Variants in TTF2 observed in about 807,000 individuals in gnomAD.
The protein encoded by TTF2 is transcription termination factor 2.
TTF2 carries 108 observed loss-of-function variants against 142.4 expected under a neutral mutation model. The ratio of observed to expected loss-of-function variants is 0.76; its 90% CI spans 0.65 to 0.89. TTF2 has a LOEUF of 0.89. Among genes scored for constraint, TTF2 ranks in the 40% least tolerant of loss-of-function variants. The pLI is 0.00. For missense variants in TTF2, 1,327 were observed against 1,379.8 expected (o/e 0.96, Z 0.61); for synonymous variants, 483 against 506.2 (o/e 0.95, Z 0.61).
At chr1:117,064,357 G>T (rs900977691) in intron 3 of TTF2, among the ~76,000 whole-genome samples, 3 of 151,614 alleles carry the variant, frequency 2.0e-5, no homozygotes, top group Admixed American at 6.6e-5. Context: ...AAAATTAGCT[G>T]GGCCTGGTGG....
rs934083480 is a variant in TTF2, at chr1:117,099,748, A to G, written c.3344+841A>G. Reference sequence around the variant, plus strand: ...CCTGAAGAATTAGGAATCACTGCCTATCTTTACTTGATTACTTCCCATTCA... The same window carrying G: ...CCTGAAGAATTAGGAATCACTGCCTGTCTTTACTTGATTACTTCCCATTCA... On this transcript the variant is annotated intron_variant, in intron 22 of 22. Coordinates refer to ENST00000369466, the MANE Select transcript of TTF2 (RefSeq NM_003594.4). This position sits in a 1 kb window ranked among gnomAD's most constrained non-coding sequence, Gnocchi z 4.3. Among the ~76,000 whole-genome samples, 2 of 152,136 alleles carry G rather than the reference A, an allele frequency of 1.3e-5. No individual in the cohort carries two copies. The highest frequency in any genetic ancestry group is 4.8e-5 in the African/African-American group (2 of 41,424).
In TTF2 at chr1:117,075,749, C is replaced by T. The variant is rs747413282; in HGVS notation, c.1165C>T (p.Arg389Ter). The change falls in exon 5 of 23, where the codon CGA (arginine) becomes TGA (stop). Residue 389 changes from arginine to a stop codon, truncating the protein, a stop_gained. Transcript: ENST00000369466. LOFTEE classifies it high-confidence loss of function. This position sits in a 1 kb window ranked among gnomAD's most constrained non-coding sequence, Gnocchi z 4.5. ...ETKENLQFPD[R>*]SVQRKVSPAS... The stretch of plus-strand genomic sequence containing the variant: ...GAAGGAAAACCTCCAATTCCCTGAT[C>T]GAAGTGTGCAAAGAAAGGTGTCTCC... 8 of 1,614,204 alleles carry T rather than the reference C, an allele frequency of 5.0e-6. No individual in the cohort carries two copies. The highest frequency in any genetic ancestry group is 2.2e-5 in the East Asian group (1 of 44,878).
In TTF2 at chr1:117,076,310, C is replaced by T; in HGVS notation, c.1390+16C>T. 1.3e-6 allele frequency: 2 copies of T among 1,596,836 alleles called. No homozygotes were observed. The highest frequency in any genetic ancestry group is 1.7e-6 in the Non-Finnish European group (2 of 1,166,744). ...CCAGAGCAAGGTAAAGTGGCTTATG[C>T]CTCAGAACTCCGGGTTTGCATCGAC... On this transcript the variant is annotated intron_variant, in intron 6 of 22. Transcript: ENST00000369466. The surrounding 1 kb of genome is among the most constrained non-coding windows in gnomAD (Gnocchi z 4.6).
In TTF2 at chr1:117,090,706, C is replaced by A. The variant is rs1311307144; in HGVS notation, c.2588+83C>A. ...GGGAGTGAGTTGAAGGTCAAATTTC[C>A]ACAAACTTTATGGCATTATTGATTA... On this transcript the variant is annotated intron_variant, in intron 15 of 22. Coordinates refer to ENST00000369466, the MANE Select transcript of TTF2 (RefSeq NM_003594.4). The surrounding 1 kb of genome is among the most constrained non-coding windows in gnomAD (Gnocchi z 4.8). 2 of 1,196,908 alleles carry A rather than the reference C, an allele frequency of 1.7e-6. No individual in the cohort carries two copies. Among genetic ancestry groups the A allele is most frequent in the Non-Finnish European group, 1.2e-6 (1 of 829,700 alleles). The allele number at this position is 1,196,908 out of a possible 1,614,324, so 74.1% of individuals were successfully genotyped here.
intron 3 of TTF2, among the ~76,000 whole-genome samples, chr1:117,072,447 A>G (rs1191478647): frequency 2.6e-5 from 3 of 116,104 alleles, no homozygotes; most frequent in African/African-American, 3.7e-5. Flanking sequence ...TTTTTTTGAG[A>G]CAGAGTCTCA....
At position 117,073,832 on chromosome 1, in the gene TTF2, A is replaced by C; in HGVS notation, c.285+105A>C. The C allele has an allele frequency of 9.5e-7, 1 of 1,047,492 alleles. No homozygotes were observed. Among genetic ancestry groups the C allele is most frequent in the Non-Finnish European group, 1.4e-6 (1 of 719,198 alleles). The allele number at this position is 1,047,492 out of a possible 1,614,324, so 64.9% of individuals were successfully genotyped here. A position where few individuals can be genotyped will look rare whatever the true frequency, so the allele number is the denominator to read the frequency against. On this transcript the variant is annotated intron_variant, in intron 4 of 22. Coordinates refer to ENST00000369466, the MANE Select transcript of TTF2 (RefSeq NM_003594.4). The surrounding 1 kb of genome is among the most constrained non-coding windows in gnomAD (Gnocchi z 4.4). ...TCACGTAAATGAGTTGGTCTTCATCAGACTGTCTCCGAAAGATAGTTTTCT... is the reference window on the plus strand; with the variant it reads ...TCACGTAAATGAGTTGGTCTTCATCCGACTGTCTCCGAAAGATAGTTTTCT...
chr1:117,083,964 G>T, intron 10 of TTF2, 54 bp from the exon 11 acceptor site: 1 of 1,603,288 alleles, frequency 6.2e-7, no homozygotes, highest in Non-Finnish European at 8.5e-7. Flanking sequence ...AAAAAGAAAA[G>T]TTAAAAGCCA....
intron 3 of TTF2, among the ~76,000 whole-genome samples, chr1:117,072,417 A>G (rs1048880782): frequency 1.4e-5 from 2 of 145,234 alleles, no homozygotes; most frequent in Non-Finnish European, 3.0e-5. Flanking sequence ...TTTAAAAGAT[A>G]CGGACTTTTT....
rs568314309 is a variant in TTF2 at position 117,079,374 on chromosome 1, CAG to C, written c.1702-193_1702-192del. ...AACATTAGATGCAACCCAAAACAAACAGGGGCAGACCAGGACAGTATGGTTAC... is the reference window on the plus strand; with the variant it reads ...AACATTAGATGCAACCCAAAACAAACGGGCAGACCAGGACAGTATGGTTAC... On this transcript the variant is annotated intron_variant, in intron 8 of 22. Transcript: ENST00000369466. The surrounding 1 kb of genome is among the most constrained non-coding windows in gnomAD (Gnocchi z 4.2). Among the ~76,000 whole-genome samples the C allele has an allele frequency of 6.5e-3, 988 of 152,270 alleles. 7 individuals are homozygous for C. The highest frequency in any genetic ancestry group is 0.011 in the Non-Finnish European group (728 of 68,026).
chr1:117,076,363 T>C lies in TTF2; in HGVS notation c.1390+69T>C. 7.9e-7 allele frequency: 1 copy of C among 1,269,454 alleles called. No homozygotes were observed. The allele number at this position is 1,269,454 out of a possible 1,614,324, so 78.6% of individuals were successfully genotyped here. A position where few individuals can be genotyped will look rare whatever the true frequency, so the allele number is the denominator to read the frequency against. Reference sequence around the variant, plus strand: ...TACAAGAGACATTCGGGAAGCCCTTTTAATAAAGAATGTGTTGATTCATTC... The same window carrying C: ...TACAAGAGACATTCGGGAAGCCCTTCTAATAAAGAATGTGTTGATTCATTC... On this transcript the variant is annotated intron_variant, in intron 6 of 22. Coordinates refer to ENST00000369466, the MANE Select transcript of TTF2 (RefSeq NM_003594.4). The surrounding 1 kb of genome is among the most constrained non-coding windows in gnomAD (Gnocchi z 4.6).
intron 4 of TTF2, among the ~76,000 whole-genome samples, chr1:117,074,393 GA>G (rs781047305): frequency 3.9e-5 from 6 of 152,136 alleles, no homozygotes; most frequent in Non-Finnish European, 5.9e-5. Flanking sequence ...TTGAGGCCTG[GA>G]AAAGAGTGAT....
rs763796270 is a variant in TTF2, at chr1:117,092,915, C to T, written c.2976+14C>T. ...GAGAGCACCAAGGTACTTTTTGTCT[C>T]CTCTGTAGTAGTCGAGAGACTTCGA... On this transcript the variant is annotated intron_variant, in intron 18 of 22. Transcript: ENST00000369466. This position sits in a 1 kb window ranked among gnomAD's most constrained non-coding sequence, Gnocchi z 4.4. The T allele has an allele frequency of 5.8e-5, 93 of 1,613,942 alleles. No homozygotes were observed. The highest frequency in any genetic ancestry group is 7.5e-5 in the Non-Finnish European group (89 of 1,179,942).
rs1000284773 is a variant in TTF2 at position 117,087,376 on chromosome 1, C to G, written c.2160+854C>G. Among the ~76,000 whole-genome samples the G allele has an allele frequency of 6.6e-6, 1 of 152,178 alleles. No homozygotes were observed. Among genetic ancestry groups the G allele is most frequent in the African/African-American group, 2.4e-5 (1 of 41,440 alleles). ...GTGCGATCTTGGCTCACTGCAACCT[C>G]TGCATCCCGGGTTCAAGCGATTCTC... is the stretch of plus-strand genomic sequence containing the variant. On this transcript the variant is annotated intron_variant, in intron 12 of 22. Transcript: ENST00000369466. The surrounding 1 kb of genome is among the most constrained non-coding windows in gnomAD (Gnocchi z 4.8).
chr1:117,090,261 T>A lies in TTF2; in HGVS notation c.2496+53T>A. The A allele has an allele frequency of 6.3e-7, 1 of 1,584,414 alleles. No homozygotes were observed. Among genetic ancestry groups the A allele is most frequent in the East Asian group, 2.2e-5 (1 of 44,648 alleles). Reference sequence around the variant, plus strand: ...GGAGGCCAGGGAAGGAACATGACTGTGTCCTTGTCTTGGGTTGAACAGCCA... The same window carrying A: ...GGAGGCCAGGGAAGGAACATGACTGAGTCCTTGTCTTGGGTTGAACAGCCA... On this transcript the variant is annotated intron_variant, in intron 14 of 22. Coordinates refer to ENST00000369466, the MANE Select transcript of TTF2 (RefSeq NM_003594.4). This position sits in a 1 kb window ranked among gnomAD's most constrained non-coding sequence, Gnocchi z 4.8.
chr1:117,091,233 T>G, intron 15 of TTF2, 95 bp from the exon 16 acceptor site: 2 of 967,034 alleles, frequency 2.1e-6, no homozygotes, highest in Non-Finnish European at 1.5e-6. Flanking sequence ...ATTTAACAAG[T>G]CTTCTATAAT....
chr1:117,084,040 T>C lies in TTF2; in HGVS notation c.1926T>C (p.His642=). 2 of 1,614,204 alleles carry C rather than the reference T, an allele frequency of 1.2e-6. No individual in the cohort carries two copies. The highest frequency in any genetic ancestry group is 1.3e-5 in the African/African-American group (1 of 75,052). ...AAGACTCTTGTGACTTTACTTCCCA[T>C]GGAACACTAATCATCTGTCCTGCCT... ...SKDDSCDFTS[H]GTLIICPASL... Residue 642 remains histidine (H), a synonymous_variant, in exon 11 of 23, where the codon CAT becomes CAC. Coordinates refer to ENST00000369466, the MANE Select transcript of TTF2 (RefSeq NM_003594.4).
At chr1:117,083,915 A>G in intron 10 of TTF2, 103 bp from the exon 11 acceptor site, 1 of 1,398,150 alleles carries the variant, frequency 7.2e-7, no homozygotes. Context: ...AGTTTGAGAC[A>G]GCCTGGGTAA....
At chr1:117,078,364 C>T (rs1049753201) in intron 8 of TTF2, among the ~76,000 whole-genome samples, 1 of 152,058 alleles carries the variant, frequency 6.6e-6, no homozygotes, top group Non-Finnish European at 1.5e-5. Flanking sequence ...GTAAATAAAA[C>T]AATTAGCAAA....
rs1204441300 is a variant in TTF2, at chr1:117,086,634, G to C, written c.2160+112G>C. The C allele has an allele frequency of 2.8e-6, 2 of 708,440 alleles. No homozygotes were observed. The highest frequency in any genetic ancestry group is 5.0e-6 in the Non-Finnish European group (2 of 401,666). The allele number at this position is 708,440 out of a possible 1,614,324, so 43.9% of individuals were successfully genotyped here. A position where few individuals can be genotyped will look rare whatever the true frequency, so the allele number is the denominator to read the frequency against. ...GACCTCCCTGGAGGTCAGGAATGCT[G>C]TAAATGATCCGCATGTGGAAAGGAA... On this transcript the variant is annotated intron_variant, in intron 12 of 22. Coordinates refer to ENST00000369466, the MANE Select transcript of TTF2 (RefSeq NM_003594.4). This position sits in a 1 kb window ranked among gnomAD's most constrained non-coding sequence, Gnocchi z 4.2.
Sources: allele counts gnomAD v4.1 joint callset (sites outside exome capture counted in the v4.1 genomes callset), GRCh38; gene constraint gnomAD v4.1.1; non-coding constraint Gnocchi (gnomAD v3.1); transcripts MANE v1.5; gene names NCBI Gene and HGNC (gene_info 2026-07-23, HGNC 2026-07-21).